Variants in CPLANE1 observed in about 807,000 individuals in gnomAD.
The protein encoded by CPLANE1 is ciliogenesis and planar polarity effector 1.
A neutral mutation model predicts 362.5 loss-of-function variants in CPLANE1; 263 were observed. The observed-to-expected ratio is 0.73, with a 90% CI of 0.66 to 0.80. The LOEUF (loss-of-function observed/expected upper bound fraction) is 0.80, where lower values mean the gene tolerates loss of function less well. Ranked by LOEUF, CPLANE1 falls within the 30% of genes least tolerant of loss-of-function variation. The probability of loss-of-function intolerance (pLI) is 0.00; values close to 1 mark genes in which losing one functional copy is unlikely to be tolerated. For synonymous variants in CPLANE1, 1,212 were observed against 1,302.6 expected (o/e 0.93, Z 1.50); for missense variants, 3,461 against 3,793.4 (o/e 0.91, Z 2.30).
intron 37 of CPLANE1, 63 bp downstream of exon 37, chr5:37,164,210 T>C: frequency 1.6e-6 from 2 of 1,269,142 alleles, no homozygotes; most frequent in South Asian, 2.4e-5. Flanking sequence ...ATATTGTACA[T>C]ATTTCTAGAA....
Position 37,137,322 on chromosome 5 carries a change from C to T in CPLANE1, c.8792+1398G>A, listed in dbSNP as rs761314320. On this transcript the variant is annotated intron_variant, in intron 46 of 52. Coordinates refer to ENST00000651892, the MANE Select transcript of CPLANE1 (RefSeq NM_001384732.1). ...CCATCTGAGACCACCTCAGCCTGGACGTTATTGTCCATATTGCTATCAGGC... is the reference window on the plus strand; with the variant it reads ...CCATCTGAGACCACCTCAGCCTGGATGTTATTGTCCATATTGCTATCAGGC... 7.2e-4 allele frequency among the ~76,000 whole-genome samples: 109 copies of T among 152,300 alleles called. 1 individual carries two copies. The highest frequency in any genetic ancestry group is 8.8e-5 in the Non-Finnish European group (6 of 68,026).
rs183334366 is a variant in CPLANE1, at chr5:37,175,192, C to A, written c.5978+717G>T. 6.4e-3 allele frequency among the ~76,000 whole-genome samples: 980 copies of A among 152,244 alleles called. 6 individuals are homozygous for A. Among genetic ancestry groups the A allele is most frequent in the African/African-American group, 0.022 (927 of 41,530 alleles). The stretch of plus-strand genomic sequence containing the variant: ...TGGGTGCATTCATGCTTGCACAAGT[C>A]ACTGGCACTCAGGAAGGCCTTGGGA... On this transcript the variant is annotated intron_variant, in intron 31 of 52. Coordinates refer to ENST00000651892, the MANE Select transcript of CPLANE1 (RefSeq NM_001384732.1).
chr5:37,077,865 C>A, the CPLANE1 span, among the ~76,000 whole-genome samples: 1 of 151,950 alleles, frequency 6.6e-6, no homozygotes, highest in Non-Finnish European at 1.5e-5. Flanking sequence ...ATCCTCCCAC[C>A]TTGGCCTCCC....
chr5:37,179,566 AT>A, intron 28 of CPLANE1, 123 bp from the exon 29 acceptor site: 2 of 664,268 alleles, frequency 3.0e-6, no homozygotes, highest in Non-Finnish European at 2.6e-6. Context: ...TATCCTTTTT[AT>A]AAAGACAGTC....
chr5:37,193,517 C>T (rs999869907), intron 21 of CPLANE1, among the ~76,000 whole-genome samples: 4 of 151,886 alleles, frequency 2.6e-5, no homozygotes, highest in Non-Finnish European at 4.4e-5. Flanking sequence ...TAGCTGGGCG[C>T]AGCAGCGGGT....
intron 50 of CPLANE1, among the ~76,000 whole-genome samples, chr5:37,118,188 G>A (rs180937646): frequency 1.9e-3 from 291 of 152,118 alleles, no homozygotes; most frequent in African/African-American, 6.7e-3. Flanking sequence ...GAGCTCAGGA[G>A]TTCAAGACCA....
intron 43 of CPLANE1, among the ~76,000 whole-genome samples, chr5:37,144,969 A>G (rs1771082126): frequency 6.6e-6 from 1 of 152,076 alleles, no homozygotes; most frequent in Admixed American, 6.6e-5. Flanking sequence ...AAGGGGAACT[A>G]AATGGGAGGG....
chr5:37,227,821 G>C lies in CPLANE1; in HGVS notation c.1122-4C>G. 1 of 1,543,008 alleles carries C rather than the reference G, an allele frequency of 6.5e-7. No individual in the cohort carries two copies. The highest frequency in any genetic ancestry group is 8.8e-7 in the Non-Finnish European group (1 of 1,142,806). On this transcript the variant is annotated splice_region_variant and splice_polypyrimidine_tract_variant and intron_variant, in intron 9 of 52. Transcript: ENST00000651892. The stretch of plus-strand genomic sequence containing the variant: ...TTGAAACGTAAACTGCTGTGGTCTA[G>C]TAAACAAACATCAAAATACAAGAAT...
chr5:37,076,464 A>C, the CPLANE1 span, among the ~76,000 whole-genome samples: 1 of 152,046 alleles, frequency 6.6e-6, no homozygotes, highest in Non-Finnish European at 1.5e-5. Flanking sequence ...GGCACATGCC[A>C]CTACGCCTGG....
chr5:37,158,964 T>A (rs1349608942), intron 38 of CPLANE1, among the ~76,000 whole-genome samples: 1 of 151,712 alleles, frequency 6.6e-6, no homozygotes, highest in African/African-American at 2.4e-5. Context: ...TTTTGTATTT[T>A]TAATAGAGAC....
chr5:37,238,790 C>T lies in CPLANE1; in HGVS notation c.938+67G>A, dbSNP rs79160297. The T allele has an allele frequency of 7.2e-6, 6 of 830,946 alleles. No individual in the cohort carries two copies. In the Admixed American group the frequency reaches 9.7e-5, roughly 13 times the overall value. 51.5% of individuals were successfully genotyped at this position (830,946 alleles called of 1,614,324 possible). On this transcript the variant is annotated intron_variant, in intron 8 of 52. Transcript: ENST00000651892. The stretch of plus-strand genomic sequence containing the variant: ...CTAGAATTACAGGTGTGAGCTACCA[C>T]ACCTGACAGAGACCCATCTCTTTTA...
intron 37 of CPLANE1, among the ~76,000 whole-genome samples, chr5:37,163,115 A>G (rs1341358680): frequency 1.3e-5 from 2 of 152,256 alleles, no homozygotes; most frequent in Non-Finnish European, 2.9e-5. Flanking sequence ...AAGATCCAGT[A>G]GAAGCTGTTA....
intron 24 of CPLANE1, among the ~76,000 whole-genome samples, chr5:37,185,880 A>G (rs1047763233): frequency 1.3e-5 from 2 of 152,228 alleles, no homozygotes; most frequent in Admixed American, 1.3e-4. Context: ...ATAAATAACC[A>G]TAAAGGGAAA....
At chr5:37,178,817 T>C (rs1032922231) in intron 29 of CPLANE1, among the ~76,000 whole-genome samples, 4 of 152,158 alleles carry the variant, frequency 2.6e-5, no homozygotes, top group African/African-American at 9.7e-5. Flanking sequence ...TGGAATGTAG[T>C]AGCACATTAC....
intron 50 of CPLANE1, among the ~76,000 whole-genome samples, chr5:37,115,597 C>CTTTT (rs202050168): frequency 5.6e-5 from 7 of 124,668 alleles, no homozygotes; most frequent in East Asian, 2.3e-4. Context: ...ACTTTTATTT[C>CTTTT]TTTTTTTTTT....
At chr5:37,143,292 C>T (rs1166325822) in intron 43 of CPLANE1, among the ~76,000 whole-genome samples, 3 of 152,106 alleles carry the variant, frequency 2.0e-5, no homozygotes, top group Non-Finnish European at 2.9e-5. Flanking sequence ...GAACAACCAA[C>T]CATGAAAGAC....
chr5:37,172,280 C>T (rs1005026242), intron 32 of CPLANE1, among the ~76,000 whole-genome samples: 16 of 151,880 alleles, frequency 1.1e-4, no homozygotes, highest in African/African-American at 3.6e-4. Context: ...AATGGAAGAA[C>T]AAAACTAAGA....
chr5:37,185,676 G>C (rs1783788655), intron 24 of CPLANE1, among the ~76,000 whole-genome samples: 1 of 151,942 alleles, frequency 6.6e-6, no homozygotes, highest in Non-Finnish European at 1.5e-5. Context: ...GGACATACCT[G>C]GACTTAAATA....
Position 37,179,589 on chromosome 5 carries a change from C to T in CPLANE1, c.5738-146G>A, listed in dbSNP as rs892950022. ...TTATAAAGACAGTCTTTGAAAACAC[C>T]TGGAGTCTATTCCATCTTCATCAGG... On this transcript the variant is annotated intron_variant, in intron 28 of 52. Transcript: ENST00000651892. 1.3e-5 allele frequency: 8 copies of T among 620,048 alleles called. No homozygotes were observed. In the African/African-American group the frequency reaches 1.3e-4, roughly 10 times the overall value. The allele number at this position is 620,048 out of a possible 1,614,324, so 38.4% of individuals were successfully genotyped here. A position where few individuals can be genotyped will look rare whatever the true frequency, so the allele number is the denominator to read the frequency against.
Sources: allele counts gnomAD v4.1 joint callset (sites outside exome capture counted in the v4.1 genomes callset), GRCh38; gene constraint gnomAD v4.1.1; transcripts MANE v1.5; gene names NCBI Gene and HGNC (gene_info 2026-07-23, HGNC 2026-07-21).